The following GUCY1A2 variants were observed in gnomAD, a reference collection of about 807,000 sequenced individuals.
The protein encoded by GUCY1A2 is guanylate cyclase soluble subunit alpha-2.
GUCY1A2 carries 27 observed loss-of-function variants against 63.5 expected under a neutral mutation model. That is an observed-to-expected ratio of 0.43 (90% CI 0.31 to 0.59). The LOEUF (loss-of-function observed/expected upper bound fraction) is 0.59. Among genes scored for constraint, GUCY1A2 ranks in the 20% least tolerant of loss-of-function variants. The pLI is 0.11. For missense variants in GUCY1A2, 768 were observed against 913.3 expected, an observed-to-expected ratio of 0.84 and a Z score of 2.05; for synonymous variants, 364 against 343.5, an observed-to-expected ratio of 1.06 and a Z score of -0.66.
chr11:106,723,658 A>G (rs1267621447), intron 6 of GUCY1A2, among the ~76,000 whole-genome samples: 6 of 152,188 alleles, frequency 3.9e-5, no homozygotes, highest in African/African-American at 1.4e-4. Flanking sequence ...CCCTGTCTCT[A>G]TTAAAAGTAC....
At chr11:106,854,117 T>C (rs1366783830) in intron 4 of GUCY1A2, among the ~76,000 whole-genome samples, 1 of 152,198 alleles carries the variant, frequency 6.6e-6, no homozygotes, top group Non-Finnish European at 1.5e-5. Context: ...GGTAGGCTGA[T>C]CCTCAAGCCC....
chr11:106,973,654 G>A (rs930177085), intron 3 of GUCY1A2, among the ~76,000 whole-genome samples: 1 of 152,106 alleles, frequency 6.6e-6, no homozygotes, highest in African/African-American at 2.4e-5. Context: ...ACAAAGTAAT[G>A]AGAAGAACAT....
intron 5 of GUCY1A2, among the ~76,000 whole-genome samples, chr11:106,796,700 C>G (rs1248800444): frequency 6.6e-6 from 1 of 152,078 alleles, no homozygotes; most frequent in Non-Finnish European, 1.5e-5. Flanking sequence ...CTCTGGCTGC[C>G]CTTAACATTT....
Position 106,680,321 on chromosome 11 carries a change from A to C in GUCY1A2, c.*7228T>G, listed in dbSNP as rs1359124804. On this transcript the variant is annotated 3_prime_UTR_variant, in exon 8 of 8. Transcript: ENST00000526355. ...ATGACATTTAATAGACCACAGTAAA[A>C]ATATATTAAGTAGAATTCCTTCTTT... 4.8e-6 allele frequency: 1 copy of C among 208,546 alleles called. No individual in the cohort carries two copies. Among genetic ancestry groups the C allele is most frequent in the Non-Finnish European group, 9.8e-6 (1 of 102,434 alleles). The allele number at this position is 208,546 out of a possible 1,614,324, so 12.9% of individuals were successfully genotyped here.
intron 4 of GUCY1A2, among the ~76,000 whole-genome samples, chr11:106,879,197 T>C (rs1859791562): frequency 6.6e-6 from 1 of 152,108 alleles, no homozygotes; most frequent in Non-Finnish European, 1.5e-5. Flanking sequence ...CATACTCTAC[T>C]GTAGTTACAC....
At chr11:106,837,281 G>C (rs1591296565) in intron 4 of GUCY1A2, among the ~76,000 whole-genome samples, 1 of 151,914 alleles carries the variant, frequency 6.6e-6, no homozygotes, top group South Asian at 2.1e-4. Flanking sequence ...GTCTGCTAAG[G>C]ATAATGACCT....
At chr11:106,786,189 A>T (rs986289744) in intron 5 of GUCY1A2, among the ~76,000 whole-genome samples, 13 of 152,220 alleles carry the variant, frequency 8.5e-5, no homozygotes, top group African/African-American at 3.1e-4. Context: ...TCAAATGGAA[A>T]CAGGTTTAAG....
In GUCY1A2 at chr11:106,677,392, C is replaced by T. The variant is rs768762431; in HGVS notation, c.*10157G>A. ...GCTGTCACCACACTTGATATTTGGA[C>T]TCTTGCATGGTTTCTCATTAGCACA... is the stretch of plus-strand genomic sequence containing the variant. On this transcript the variant is annotated 3_prime_UTR_variant, in exon 8 of 8. Coordinates refer to ENST00000526355, the MANE Select transcript of GUCY1A2 (RefSeq NM_000855.3). The T allele has an allele frequency of 6.6e-4, 139 of 210,168 alleles. No homozygotes were observed. Among genetic ancestry groups the T allele is most frequent in the African/African-American group, 2.6e-3 (116 of 44,182 alleles). The allele number at this position is 210,168 out of a possible 1,614,324, so 13.0% of individuals were successfully genotyped here.
chr11:106,762,222 C>T (rs770932308), intron 6 of GUCY1A2, among the ~76,000 whole-genome samples: 2 of 151,932 alleles, frequency 1.3e-5, no homozygotes, highest in Non-Finnish European at 2.9e-5. Context: ...ACCTGGAAGT[C>T]AATGTATTTA....
chr11:106,855,680 C>T (rs1453099080), intron 4 of GUCY1A2, among the ~76,000 whole-genome samples: 1 of 152,100 alleles, frequency 6.6e-6, no homozygotes, highest in Non-Finnish European at 1.5e-5. Context: ...ATTATCTTGG[C>T]ATCCTTGTCA....
intron 1 of GUCY1A2, among the ~76,000 whole-genome samples, chr11:106,997,877 C>T (rs926455736): frequency 3.9e-5 from 6 of 151,936 alleles, no homozygotes; most frequent in Admixed American, 1.3e-4. Flanking sequence ...GTTTTAGAAA[C>T]GCTAAAGAGA....
rs1450183895 is a variant in GUCY1A2, at chr11:106,674,213, T to C, written c.*13336A>G. 5.4e-6 allele frequency: 1 copy of C among 185,118 alleles called. No individual in the cohort carries two copies. Among genetic ancestry groups the C allele is most frequent in the Non-Finnish European group, 1.1e-5 (1 of 87,248 alleles). The allele number at this position is 185,118 out of a possible 1,614,324, so 11.5% of individuals were successfully genotyped here. On this transcript the variant is annotated 3_prime_UTR_variant, in exon 8 of 8. Transcript: ENST00000526355. ...TTATTTTTCATATACAAATTCACCT[T>C]GTTCTGCAGTCTGTAAATGCAAAGA...
chr11:106,938,499 T>C (rs888858361), intron 4 of GUCY1A2, among the ~76,000 whole-genome samples: 1 of 152,104 alleles, frequency 6.6e-6, no homozygotes, highest in African/African-American at 2.4e-5. Flanking sequence ...TTCCCTCAAA[T>C]GCTTGGAAAC....
chr11:106,926,540 C>G (rs931625133), intron 4 of GUCY1A2, among the ~76,000 whole-genome samples: 1 of 151,902 alleles, frequency 6.6e-6, no homozygotes. Flanking sequence ...CAGTTCATAC[C>G]AGACCCACTG....
At chr11:106,707,420 T>C (rs1862935708) in intron 7 of GUCY1A2, among the ~76,000 whole-genome samples, 1 of 152,026 alleles carries the variant, frequency 6.6e-6, no homozygotes, top group Non-Finnish European at 1.5e-5. Context: ...AATAGAAAAA[T>C]CAATGGCCAC....
intron 6 of GUCY1A2, among the ~76,000 whole-genome samples, chr11:106,713,496 CTTTTTTTTTTTTTTTT>C (rs143909145): frequency 1.3e-5 from 1 of 78,354 alleles, no homozygotes; most frequent in African/African-American, 5.6e-5. Context: ...TAGTATGTTT[CTTTTTTTTTTTTTTTT>C]TTTTTTTTTT....
At chr11:106,755,764 C>T (rs1863962070) in intron 6 of GUCY1A2, among the ~76,000 whole-genome samples, 1 of 152,048 alleles carries the variant, frequency 6.6e-6, no homozygotes, top group African/African-American at 2.4e-5. Flanking sequence ...GTTTTACTTC[C>T]AGTTATGTGG....
chr11:106,986,917 GAC>G (rs1243735660), intron 1 of GUCY1A2, among the ~76,000 whole-genome samples: 1 of 152,186 alleles, frequency 6.6e-6, no homozygotes, highest in Non-Finnish European at 1.5e-5. Flanking sequence ...GATGGCTTAA[GAC>G]AGAGGTTCTT....
chr11:107,011,309 T>G (rs932717125), intron 1 of GUCY1A2, among the ~76,000 whole-genome samples: 6 of 151,952 alleles, frequency 3.9e-5, no homozygotes, highest in African/African-American at 1.2e-4. Flanking sequence ...TCCTATCATA[T>G]TCAATAAAAT....
Sources: gnomAD v4.1 joint callset for allele counts (sites outside exome capture counted in the v4.1 genomes callset) on GRCh38, gnomAD v4.1.1 for gene constraint, MANE v1.5 for transcripts, NCBI Gene and HGNC (gene_info 2026-07-23, HGNC 2026-07-21) for gene names.